Variants in CEP83 observed in about 807,000 individuals in gnomAD.
CEP83 encodes centrosomal protein 83.
A neutral mutation model predicts 101.9 loss-of-function variants in CEP83; 70 were observed. The observed-to-expected ratio is 0.69, with a 90% CI of 0.57 to 0.84. CEP83 has a LOEUF of 0.84. CEP83 is among the 40% of genes least tolerant of loss of function. The pLI, the probability that CEP83 is intolerant of heterozygous loss-of-function variation, is 0.00. For missense variants in CEP83, 715 were observed against 787.2 expected (o/e 0.91, Z 1.10); for synonymous variants, 264 against 267.9 (o/e 0.99, Z 0.14).
Position 94,449,795 on chromosome 12 carries a change from A to T in CEP83, c.-155+9762T>A, listed in dbSNP as rs1259150862. Reference sequence around the variant, plus strand: ...CTCAAACAATAAAAAAAAAAAAAAAAAAAAAAAAAAAAAGATTTTACAGCA... The same window carrying T: ...CTCAAACAATAAAAAAAAAAAAAAATAAAAAAAAAAAAAGATTTTACAGCA... On this transcript the variant is annotated intron_variant, in intron 1 of 16. Coordinates refer to ENST00000397809, the MANE Select transcript of CEP83 (RefSeq NM_016122.3). Among the ~76,000 whole-genome samples, 17 of 149,904 alleles carry T rather than the reference A, an allele frequency of 1.1e-4. 1 individual carries two copies. The highest frequency in any genetic ancestry group is 4.1e-4 in the African/African-American group (17 of 41,094).
chr12:94,337,334 A>G (rs2059492375), intron 11 of CEP83, among the ~76,000 whole-genome samples: 1 of 152,208 alleles, frequency 6.6e-6, no homozygotes. Flanking sequence ...AGAAGATGAT[A>G]TACAACAAGA....
chr12:94,322,618 G>C (rs1320917930), intron 14 of CEP83, among the ~76,000 whole-genome samples: 5 of 152,218 alleles, frequency 3.3e-5, no homozygotes, highest in African/African-American at 1.2e-4. Flanking sequence ...CACTGGTTGG[G>C]GTATGGTTGT....
At chr12:94,280,001 T>C in the CEP83 span, 1 of 390,932 alleles carries the variant, frequency 2.6e-6, no homozygotes, top group Non-Finnish European at 4.9e-6. Context: ...CTGCGTGTGT[T>C]GCATTTCACA....
the CEP83 span, among the ~76,000 whole-genome samples, chr12:94,292,713 T>C: frequency 1.1e-4 from 17 of 152,358 alleles, no homozygotes; most frequent in Admixed American, 3.3e-4. Context: ...TAATTTTATA[T>C]AATTTGTGCA....
At chr12:94,349,917 A>G (rs1033216329) in intron 11 of CEP83, among the ~76,000 whole-genome samples, 2 of 152,252 alleles carry the variant, frequency 1.3e-5, no homozygotes, top group African/African-American at 4.8e-5. Context: ...ATAGCATCAA[A>G]AAGAATACAT....
intron 1 of CEP83, among the ~76,000 whole-genome samples, chr12:94,450,148 A>G (rs1352779614): frequency 6.6e-6 from 1 of 152,252 alleles, no homozygotes; most frequent in Non-Finnish European, 1.5e-5. Flanking sequence ...TGGAGGGTCT[A>G]ACCCAAGAAT....
chr12:94,447,884 G>A (rs942716752), intron 1 of CEP83, among the ~76,000 whole-genome samples: 1 of 151,578 alleles, frequency 6.6e-6, no homozygotes, highest in Non-Finnish European at 1.5e-5. Flanking sequence ...ACAGAAAGAT[G>A]GTAAAGAAAA....
intron 15 of CEP83, among the ~76,000 whole-genome samples, chr12:94,312,085 A>G (rs1052275833): frequency 2.0e-5 from 3 of 152,200 alleles, no homozygotes; most frequent in Non-Finnish European, 2.9e-5. Flanking sequence ...TAAAAAAAAA[A>G]AGAATTGAAA....
intron 2 of CEP83, chr12:94,424,182 G>C (rs1217581464): frequency 1.1e-5 from 17 of 1,606,714 alleles, no homozygotes; most frequent in Non-Finnish European, 1.4e-5. Flanking sequence ...TAAGGGGCTG[G>C]GTAAAACCCA....
At chr12:94,397,516 AATG>A (rs201766900) in intron 6 of CEP83, among the ~76,000 whole-genome samples, 7,727 of 137,776 alleles carry the variant, frequency 0.056, 258 homozygotes, top group Admixed American at 0.09. Flanking sequence ...TAATAATAAT[AATG>A]ATAAATTAAT....
chr12:94,382,963 G>A (rs551141865), intron 6 of CEP83, among the ~76,000 whole-genome samples: 12 of 152,144 alleles, frequency 7.9e-5, no homozygotes, highest in Non-Finnish European at 1.5e-4. Context: ...AGAGGGGTAT[G>A]AAGTCACCAA....
At chr12:94,293,185 GT>G in the CEP83 span, among the ~76,000 whole-genome samples, 2 of 152,040 alleles carry the variant, frequency 1.3e-5, no homozygotes, top group African/African-American at 4.8e-5. Context: ...CATTTTCATT[GT>G]TTTATAAACT....
At chr12:94,390,604 A>G (rs768484002) in intron 6 of CEP83, among the ~76,000 whole-genome samples, 1 of 152,242 alleles carries the variant, frequency 6.6e-6, no homozygotes, top group East Asian at 1.9e-4. Context: ...CAGCAATGGA[A>G]TAAAGCTGGA....
chr12:94,328,692 G>A (rs981346440), intron 14 of CEP83, among the ~76,000 whole-genome samples: 1 of 151,940 alleles, frequency 6.6e-6, no homozygotes, highest in African/African-American at 2.4e-5. Flanking sequence ...AATTTACAGT[G>A]ATTATTCTGA....
intron 2 of CEP83, among the ~76,000 whole-genome samples, 154 bp downstream of exon 2, chr12:94,435,119 GCA>G (rs1470816636): frequency 6.6e-6 from 1 of 152,096 alleles, no homozygotes; most frequent in African/African-American, 2.4e-5. Context: ...ACTGAAATTT[GCA>G]CCCTAGTTCC....
intron 11 of CEP83, among the ~76,000 whole-genome samples, chr12:94,339,212 C>T (rs1288402275): frequency 1.3e-5 from 2 of 152,114 alleles, no homozygotes; most frequent in Non-Finnish European, 2.9e-5. Flanking sequence ...GTAATCTGCC[C>T]GCCTTGGCCT....
chr12:94,336,674 C>T (rs564082828), intron 11 of CEP83, among the ~76,000 whole-genome samples: 3 of 152,136 alleles, frequency 2.0e-5, no homozygotes, highest in Non-Finnish European at 4.4e-5. Flanking sequence ...ATGCCAGAAA[C>T]GATAAATCTA....
rs150372957 is a variant in CEP83 at position 94,342,721 on chromosome 12, A to G, written c.1344-7057T>C. 4.2e-3 allele frequency among the ~76,000 whole-genome samples: 636 copies of G among 152,316 alleles called. 2 individuals are homozygous for G. Among genetic ancestry groups the G allele is most frequent in the Admixed American group, 6.6e-3 (101 of 15,306 alleles). ...GAAAATTTAAAAATAAGAGGATAAA[A>G]GTATACCAGGCAAATGGAAACTATA... On this transcript the variant is annotated intron_variant, in intron 11 of 16. Coordinates refer to ENST00000397809, the MANE Select transcript of CEP83 (RefSeq NM_016122.3).
intron 11 of CEP83, among the ~76,000 whole-genome samples, chr12:94,363,775 G>T (rs2060889665): frequency 6.6e-6 from 1 of 151,430 alleles, no homozygotes; most frequent in African/African-American, 2.4e-5. Flanking sequence ...ATGGTGAAAC[G>T]GCATCTCTAC....
Sources: gnomAD v4.1 joint callset for allele counts (sites outside exome capture counted in the v4.1 genomes callset) on GRCh38, gnomAD v4.1.1 for gene constraint, MANE v1.5 for transcripts, NCBI Gene and HGNC (gene_info 2026-07-23, HGNC 2026-07-21) for gene names.